The following ADGRL2 variants were observed in gnomAD, a reference collection of about 807,000 sequenced individuals.
ADGRL2 encodes adhesion G protein-coupled receptor L2.
In ADGRL2, 44 loss-of-function variants were observed where a neutral mutation model predicts 157.4. The observed-to-expected ratio is 0.28, with a 90% CI of 0.22 to 0.36. The LOEUF is 0.36. Ranked by LOEUF, ADGRL2 falls within the 10% of genes least tolerant of loss-of-function variation. The pLI, the probability that ADGRL2 is intolerant of heterozygous loss-of-function variation, is 1.00. For synonymous variants in ADGRL2, 585 were observed against 624.7 expected (o/e 0.94, Z 0.95); for missense variants, 1,510 against 1,768.9 (o/e 0.85, Z 2.63).
chr1:81,687,517 T>C (rs2083253240), intron 3 of ADGRL2, among the ~76,000 whole-genome samples: 1 of 152,190 alleles, frequency 6.6e-6, no homozygotes, highest in Non-Finnish European at 1.5e-5. Context: ...TCCTTTACTT[T>C]AAGTTTATGT....
At chr1:81,910,243 A>C (rs2094685282) in intron 3 of ADGRL2, among the ~76,000 whole-genome samples, 1 of 112,316 alleles carries the variant, frequency 8.9e-6, no homozygotes, top group Non-Finnish European at 1.9e-5. Context: ...TGCCTAAAAA[A>C]CAATAATAAT....
intron 3 of ADGRL2, among the ~76,000 whole-genome samples, chr1:81,668,535 GGA>G (rs2082800384): frequency 1.3e-5 from 1 of 77,248 alleles, no homozygotes; most frequent in Non-Finnish European, 3.2e-5. Flanking sequence ...TCACTTGCTT[GGA>G]TTTTGTTTTT....
At chr1:81,537,695 T>C (rs2079777448) in intron 2 of ADGRL2, among the ~76,000 whole-genome samples, 1 of 151,936 alleles carries the variant, frequency 6.6e-6, no homozygotes, top group Admixed American at 6.6e-5. Context: ...TTTTTTTCTT[T>C]CTTTTTCTCT....
intron 2 of ADGRL2, among the ~76,000 whole-genome samples, chr1:81,494,841 G>C (rs2078700510): frequency 6.6e-6 from 1 of 152,054 alleles, no homozygotes; most frequent in Non-Finnish European, 1.5e-5. Context: ...ATTCAGAGCT[G>C]ACACATCCCA....
intron 2 of ADGRL2, among the ~76,000 whole-genome samples, chr1:81,837,472 T>C (rs925941423): frequency 3.3e-5 from 5 of 151,972 alleles, no homozygotes; most frequent in African/African-American, 1.2e-4. Context: ...TAGTCTTTTA[T>C]GAAAACTTAC....
chr1:81,519,091 C>T (rs774716941), intron 2 of ADGRL2, among the ~76,000 whole-genome samples: 44 of 152,232 alleles, frequency 2.9e-4, no homozygotes, highest in African/African-American at 9.6e-4. Flanking sequence ...AGAGATTATG[C>T]GTATGTCCAA....
chr1:81,901,030 C>A (rs2094476013), intron 2 of ADGRL2, among the ~76,000 whole-genome samples: 1 of 152,146 alleles, frequency 6.6e-6, no homozygotes, highest in South Asian at 2.1e-4. Context: ...TAAAAAGAAA[C>A]CACGACAGCA....
intron 1 of ADGRL2, among the ~76,000 whole-genome samples, chr1:81,361,522 C>T (rs555163218): frequency 8.4e-4 from 127 of 151,870 alleles, no homozygotes; most frequent in African/African-American, 2.8e-3. Flanking sequence ...TCCTTAAGGA[C>T]GGGAACACTG....
intron 23 of ADGRL2, chr1:81,989,660 C>CTA (rs774428553): frequency 6.3e-5 from 101 of 1,610,328 alleles, no homozygotes; most frequent in Non-Finnish European, 8.1e-5. Flanking sequence ...ATATCAGCTA[C>CTA]TCTTAGGCCA....
chr1:81,737,560 CTAGT>C (rs1432925361), intron 1 of ADGRL2, among the ~76,000 whole-genome samples: 1 of 152,210 alleles, frequency 6.6e-6, no homozygotes, highest in Non-Finnish European at 1.5e-5. Context: ...CCAACCATAT[CTAGT>C]CATGTTCATG....
intron 2 of ADGRL2, among the ~76,000 whole-genome samples, chr1:81,846,049 T>G (rs2092774796): frequency 6.6e-6 from 1 of 151,848 alleles, no homozygotes; most frequent in South Asian, 2.1e-4. Flanking sequence ...ATTAACGTTT[T>G]TATAAGGGGA....
At chr1:81,754,724 T>TTTTC (rs2085624057) in intron 1 of ADGRL2, among the ~76,000 whole-genome samples, 1 of 149,342 alleles carries the variant, frequency 6.7e-6, no homozygotes, top group Non-Finnish European at 1.5e-5. Context: ...CTCTTTCTTT[T>TTTTC]TTTCTTTCTT....
At chr1:81,749,175 A>T (rs2149260436) in intron 1 of ADGRL2, among the ~76,000 whole-genome samples, 1 of 152,198 alleles carries the variant, frequency 6.6e-6, no homozygotes, top group East Asian at 1.9e-4. Flanking sequence ...TTTCCCTTCT[A>T]CCTTCCCCAA....
chr1:81,472,464 C>G (rs1168448511), intron 2 of ADGRL2, among the ~76,000 whole-genome samples: 3 of 152,142 alleles, frequency 2.0e-5, no homozygotes, highest in Non-Finnish European at 2.9e-5. Flanking sequence ...AACCCTGTCT[C>G]TACTAAAATA....
intron 2 of ADGRL2, among the ~76,000 whole-genome samples, chr1:81,517,085 A>G (rs2079195459): frequency 6.6e-6 from 1 of 152,132 alleles, no homozygotes; most frequent in Non-Finnish European, 1.5e-5. Flanking sequence ...AAGTAACAAC[A>G]AAAAAAGAGT....
chr1:81,801,453 G>C (rs1006047892), intron 1 of ADGRL2, among the ~76,000 whole-genome samples: 1 of 152,060 alleles, frequency 6.6e-6, no homozygotes, highest in African/African-American at 2.4e-5. Flanking sequence ...CTCTCTCTCC[G>C]CTCACACACA....
intron 3 of ADGRL2, among the ~76,000 whole-genome samples, chr1:81,664,521 G>C (rs2082717454): frequency 6.6e-6 from 1 of 152,090 alleles, no homozygotes; most frequent in Non-Finnish European, 1.5e-5. Flanking sequence ...TTCCATGAAT[G>C]GTACTAAACC....
At chr1:81,472,630 T>C (rs556408020) in intron 2 of ADGRL2, among the ~76,000 whole-genome samples, 1 of 150,454 alleles carries the variant, frequency 6.6e-6, no homozygotes, top group African/African-American at 2.4e-5. Context: ...AGCAAGACTC[T>C]GAAAAAAAAG....
chr1:81,344,412 C>T (rs1415371517), intron 1 of ADGRL2, among the ~76,000 whole-genome samples: 3 of 152,110 alleles, frequency 2.0e-5, no homozygotes, highest in Non-Finnish European at 4.4e-5. Context: ...CACAGAGGCT[C>T]ACACCTGTAA....
Sources: allele counts gnomAD v4.1 joint callset (sites outside exome capture counted in the v4.1 genomes callset), GRCh38; gene constraint gnomAD v4.1.1; transcripts MANE v1.5; gene names NCBI Gene and HGNC (gene_info 2026-07-23, HGNC 2026-07-21).